The following SLC11A2 variants were observed in gnomAD, a reference collection of about 807,000 sequenced individuals.
SLC11A2 encodes the protein solute carrier family 11 member 2.
SLC11A2 carries 38 observed loss-of-function variants against 68.0 expected under a neutral mutation model. The ratio of observed to expected loss-of-function variants is 0.56; its 90% CI spans 0.43 to 0.73. The LOEUF (loss-of-function observed/expected upper bound fraction) is 0.73. Ranked by LOEUF, SLC11A2 falls within the 30% of genes least tolerant of loss-of-function variation. The pLI, the probability that SLC11A2 is intolerant of heterozygous loss-of-function variation, is 0.00. For synonymous variants in SLC11A2, 242 were observed against 250.6 expected (o/e 0.97, Z 0.32); for missense variants, 517 against 690.5 (o/e 0.75, Z 2.82).
chr12:51,008,279 CAG>C, intron 3 of SLC11A2, 195 bp downstream of exon 3: 1 of 517,858 alleles, frequency 1.9e-6, no homozygotes. Context: ...GACAGACAGA[CAG>C]AGATAGATAG....
rs1462792641 is a variant in SLC11A2 at position 50,999,246 on chromosome 12, AG to A, written c.608-6del. 1.2e-6 allele frequency: 2 copies of A among 1,614,076 alleles called. No homozygotes were observed. The highest frequency in any genetic ancestry group is 2.7e-5 in the African/African-American group (2 of 74,944). On this transcript the variant is annotated splice_region_variant and splice_polypyrimidine_tract_variant and intron_variant, in intron 7 of 15. Transcript: ENST00000262052. ...ATGCTTCTAGCTTCCGCAAGCCTAA[AG>A]GAAAAAAGGCAGCAGTGAGCTCAGA... is the stretch of plus-strand genomic sequence containing the variant.
intron 15 of SLC11A2, among the ~76,000 whole-genome samples, chr12:50,990,393 T>G (rs1304894808): frequency 6.6e-6 from 1 of 152,188 alleles, no homozygotes; most frequent in Non-Finnish European, 1.5e-5. Context: ...CTATACTCTC[T>G]TGTTAGGAAT....
downstream of SLC11A2, chr12:50,980,147 G>A: frequency 5.6e-6 from 2 of 355,566 alleles, no homozygotes; most frequent in Non-Finnish European, 1.1e-5. Flanking sequence ...GATGGCTTAA[G>A]CCCAGGTGGC....
Position 51,003,813 on chromosome 12 carries a change from G to A in SLC11A2, c.429+975C>T, listed in dbSNP as rs553435606. On this transcript the variant is annotated intron_variant, in intron 5 of 15. Coordinates refer to ENST00000262052, the MANE Select transcript of SLC11A2 (RefSeq NM_000617.3). ...TAATTAGCTGGGTGTGGTCGTGCTCGCCTGTGGTCCCAGCTACTTGGGAGG... is the reference window on the plus strand; with the variant it reads ...TAATTAGCTGGGTGTGGTCGTGCTCACCTGTGGTCCCAGCTACTTGGGAGG... Among the ~76,000 whole-genome samples the A allele has an allele frequency of 2.5e-3, 382 of 151,012 alleles. 1 individual carries two copies. The highest frequency in any genetic ancestry group is 8.7e-3 in the African/African-American group (360 of 41,178).
chr12:50,981,337 A>C (rs1285364411), downstream of SLC11A2: 1 of 153,314 alleles, frequency 6.5e-6, no homozygotes, highest in Non-Finnish European at 1.5e-5. Context: ...TGATATATCA[A>C]AACAATATTT....
chr12:50,970,102 A>G, the SLC11A2 span, among the ~76,000 whole-genome samples: 1 of 152,304 alleles, frequency 6.6e-6, no homozygotes, highest in African/African-American at 2.4e-5. Flanking sequence ...TACTGAGTAC[A>G]AGTAGAGACT....
chr12:50,975,529 G>A (rs952785788), downstream of SLC11A2, among the ~76,000 whole-genome samples: 3 of 152,120 alleles, frequency 2.0e-5, no homozygotes, highest in Non-Finnish European at 2.9e-5. Context: ...ATGCCCACAA[G>A]AGAAAGCAGG....
At chr12:50,954,126 G>A in the SLC11A2 span, 1 of 1,258,034 alleles carries the variant, frequency 7.9e-7, no homozygotes. Flanking sequence ...GCAGAAAACT[G>A]TAATAACACA....
At chr12:51,026,092 C>T (rs1414904442) in intron 1 of SLC11A2, 1 of 1,098,208 alleles carries the variant, frequency 9.1e-7, no homozygotes, top group Non-Finnish European at 1.1e-6. Context: ...TCCCTGCCCC[C>T]ATCTTTGGGT....
intron 1 of SLC11A2, among the ~76,000 whole-genome samples, chr12:51,022,824 G>A (rs1311335979): frequency 6.6e-6 from 1 of 152,094 alleles, no homozygotes; most frequent in Non-Finnish European, 1.5e-5. Context: ...TAGTAGAGAT[G>A]AGACCAAAAC....
chr12:50,980,570 A>G (rs75786963), downstream of SLC11A2: 1 of 103,620 alleles, frequency 9.7e-6, no homozygotes, highest in African/African-American at 3.1e-5. Flanking sequence ...AAGGTGGGTG[A>G]AAAAAAAAAT....
At chr12:50,970,619 T>C in the SLC11A2 span, 50 of 655,528 alleles carry the variant, frequency 7.6e-5, no homozygotes, top group Admixed American at 1.4e-4. Flanking sequence ...AGAATGCTCA[T>C]AGCCTTTGTA....
chr12:50,970,334 T>A, the SLC11A2 span: 1 of 706,522 alleles, frequency 1.4e-6, no homozygotes, highest in Non-Finnish European at 2.5e-6. Flanking sequence ...GGCCTTTGTT[T>A]GTTTCTGTTT....
intron 8 of SLC11A2, among the ~76,000 whole-genome samples, chr12:50,997,428 G>A (rs556171580): frequency 6.6e-6 from 1 of 152,108 alleles, no homozygotes; most frequent in African/African-American, 2.4e-5. Context: ...AGGGCTGGGT[G>A]CGGTGGCTCA....
In SLC11A2 at chr12:51,026,336, C is replaced by A; in HGVS notation, c.-65G>T. The A allele has an allele frequency of 1.6e-6, 2 of 1,277,144 alleles. No homozygotes were observed. Among genetic ancestry groups the A allele is most frequent in the Non-Finnish European group, 2.0e-6 (2 of 980,400 alleles). 79.1% of individuals were successfully genotyped at this position (1,277,144 alleles called of 1,614,324 possible). Reference sequence around the variant, plus strand: ...TTACCAGCTCCGCAACCACCTGACACGCCGCCCCCGCGCCCAGGGCTCCAT... The same window carrying A: ...TTACCAGCTCCGCAACCACCTGACAAGCCGCCCCCGCGCCCAGGGCTCCAT... On this transcript the variant is annotated 5_prime_UTR_variant, in exon 1 of 16. Transcript: ENST00000262052.
chr12:50,969,819 G>A, the SLC11A2 span, among the ~76,000 whole-genome samples: 9 of 152,140 alleles, frequency 5.9e-5, no homozygotes, highest in Non-Finnish European at 1.3e-4. Flanking sequence ...GACAGGTATG[G>A]GCTGGTGGTG....
At chr12:51,025,687 C>T in intron 1 of SLC11A2, 1 of 874,682 alleles carries the variant, frequency 1.1e-6, no homozygotes, top group Non-Finnish European at 1.4e-6. Context: ...GTGCAATATC[C>T]CCCTGTAGAA....
chr12:51,000,595 C>A (rs1420508367), intron 5 of SLC11A2, 176 bp from the exon 6 acceptor site: 2 of 630,066 alleles, frequency 3.2e-6, no homozygotes, highest in East Asian at 5.5e-5. Flanking sequence ...CTGTGGCTCT[C>A]ACCTGGAGAA....
At chr12:51,010,239 T>C (rs866909887) in intron 2 of SLC11A2, among the ~76,000 whole-genome samples, 5 of 149,732 alleles carry the variant, frequency 3.3e-5, no homozygotes, top group Non-Finnish European at 3.0e-5. Flanking sequence ...GTTTTCAGGA[T>C]GGGCGCGGTA....
Sources: gnomAD v4.1 joint callset for allele counts (sites outside exome capture counted in the v4.1 genomes callset) on GRCh38, gnomAD v4.1.1 for gene constraint, MANE v1.5 for transcripts, NCBI Gene and HGNC (gene_info 2026-07-23, HGNC 2026-07-21) for gene names.